Variants in FGF14 observed in about 807,000 individuals in gnomAD.
FGF14 encodes fibroblast growth factor 14.
A neutral mutation model predicts 25.5 loss-of-function variants in FGF14; 5 were observed. The ratio of observed to expected loss-of-function variants is 0.20; its 90% CI spans 0.10 to 0.41. The LOEUF (loss-of-function observed/expected upper bound fraction) is 0.41. Ranked by LOEUF, FGF14 falls within the 10% of genes least tolerant of loss-of-function variation. The probability of loss-of-function intolerance (pLI) is 1.00; values close to 1 mark genes in which losing one functional copy is unlikely to be tolerated. For missense variants in FGF14, 222 were observed against 320.1 expected, an observed-to-expected ratio of 0.69 and a Z score of 2.34; for synonymous variants, 138 against 118.3, an observed-to-expected ratio of 1.17 and a Z score of -1.08.
chr13:101,908,698 T>C (rs550053466), intron 1 of FGF14, among the ~76,000 whole-genome samples: 1 of 152,194 alleles, frequency 6.6e-6, no homozygotes, highest in Non-Finnish European at 1.5e-5. Flanking sequence ...GCCATCCCCA[T>C]CAAGCTACCA....
At chr13:102,042,180 A>T (rs142046338) in intron 1 of FGF14, among the ~76,000 whole-genome samples, 2 of 152,324 alleles carry the variant, frequency 1.3e-5, no homozygotes, top group African/African-American at 4.8e-5. Context: ...GTGGCATAAA[A>T]CATGGTAATG....
intron 2 of FGF14, among the ~76,000 whole-genome samples, chr13:101,871,385 G>T (rs1323752258): frequency 6.6e-6 from 1 of 152,074 alleles, no homozygotes; most frequent in South Asian, 2.1e-4. Context: ...ACGGGTTTAG[G>T]ACATAAGGAA....
At chr13:101,926,290 C>T (rs2034358422) in intron 1 of FGF14, among the ~76,000 whole-genome samples, 1 of 152,116 alleles carries the variant, frequency 6.6e-6, no homozygotes, top group African/African-American at 2.4e-5. Context: ...TTCCAAATAC[C>T]AGTTTTTAAA....
chr13:102,072,549 A>C (rs1458979727), intron 1 of FGF14, among the ~76,000 whole-genome samples: 1 of 152,216 alleles, frequency 6.6e-6, no homozygotes, highest in African/African-American at 2.4e-5. Context: ...AGCCCTTCCC[A>C]AAATTCTACC....
At chr13:101,852,759 C>T (rs942093945) in intron 3 of FGF14, among the ~76,000 whole-genome samples, 10 of 152,030 alleles carry the variant, frequency 6.6e-5, no homozygotes, top group Admixed American at 6.6e-4. Context: ...ACCCATGATA[C>T]CAGATACCTA....
intron 3 of FGF14, among the ~76,000 whole-genome samples, chr13:101,809,065 G>C (rs1306851674): frequency 6.6e-6 from 1 of 151,918 alleles, no homozygotes; most frequent in Non-Finnish European, 1.5e-5. Context: ...TGATAAATTG[G>C]GGAATTGATC....
chr13:101,726,895 G>T, intron 3 of FGF14, 85 bp from the exon 4 acceptor site: 2 of 1,075,176 alleles, frequency 1.9e-6, no homozygotes, highest in Non-Finnish European at 2.7e-6. Flanking sequence ...AAGTTTCCCA[G>T]CATGGTGAAA....
intron 1 of FGF14, among the ~76,000 whole-genome samples, chr13:102,374,663 T>G (rs1421737474): frequency 3.8e-5 from 3 of 79,332 alleles, no homozygotes; most frequent in African/African-American, 1.5e-4. Flanking sequence ...TATATATATA[T>G]ATATATATAT....
chr13:101,893,033 G>A lies in FGF14; in HGVS notation c.194-17737C>T, dbSNP rs531429531. 7.2e-5 allele frequency among the ~76,000 whole-genome samples: 11 copies of A among 152,292 alleles called. No homozygotes were observed. The South Asian group carries it at 2.3e-3, about 32-fold the overall frequency. On this transcript the variant is annotated intron_variant, in intron 1 of 4. Transcript: ENST00000376143. ...TCACTGGATGTTGGGTATGATGCAT[G>A]CAGTTAAGATGCCATACCCATGACC...
At chr13:101,983,687 T>C (rs189441296) in intron 1 of FGF14, among the ~76,000 whole-genome samples, 6 of 152,292 alleles carry the variant, frequency 3.9e-5, no homozygotes, top group African/African-American at 1.4e-4. Flanking sequence ...CTCATATTTT[T>C]CCACCAGTGA....
At chr13:102,359,874 A>C (rs2057518608) in intron 1 of FGF14, among the ~76,000 whole-genome samples, 2 of 151,718 alleles carry the variant, frequency 1.3e-5, no homozygotes, top group Non-Finnish European at 2.9e-5. Flanking sequence ...AAAACAGTCC[A>C]AGGGGAAAAT....
intron 1 of FGF14, among the ~76,000 whole-genome samples, chr13:101,882,357 C>G (rs543215861): frequency 6.6e-6 from 1 of 151,506 alleles, no homozygotes; most frequent in South Asian, 2.1e-4. Flanking sequence ...CCAAAGACAT[C>G]TGTCGAAAAA....
chr13:102,325,725 T>C (rs929670721), intron 1 of FGF14, among the ~76,000 whole-genome samples: 2 of 152,222 alleles, frequency 1.3e-5, no homozygotes, highest in Admixed American at 1.3e-4. Context: ...TCACACTATG[T>C]GCTCTACTTA....
chr13:101,968,437 A>G (rs965851732), intron 1 of FGF14, among the ~76,000 whole-genome samples: 2 of 151,784 alleles, frequency 1.3e-5, no homozygotes, highest in Non-Finnish European at 2.9e-5. Flanking sequence ...ACTTTGGGAG[A>G]CCGAGGCAGG....
At chr13:101,981,617 C>T (rs1332456616) in intron 1 of FGF14, among the ~76,000 whole-genome samples, 2 of 147,282 alleles carry the variant, frequency 1.4e-5, no homozygotes, top group African/African-American at 5.1e-5. Context: ...GAAGATGAAA[C>T]CCATAGGAGA....
At chr13:102,026,007 A>G (rs1440398603) in intron 1 of FGF14, among the ~76,000 whole-genome samples, 1 of 152,080 alleles carries the variant, frequency 6.6e-6, no homozygotes, top group Non-Finnish European at 1.5e-5. Flanking sequence ...TGGCAAGAGC[A>G]GACATTTTTG....
intron 1 of FGF14, among the ~76,000 whole-genome samples, chr13:102,396,016 C>G (rs571083657): frequency 3.3e-5 from 5 of 152,302 alleles, no homozygotes; most frequent in African/African-American, 1.2e-4. Context: ...TACAAAAGAG[C>G]TATTGCATCT....
intron 1 of FGF14, among the ~76,000 whole-genome samples, chr13:102,305,528 C>T (rs1594794997): frequency 1.3e-5 from 2 of 152,124 alleles, no homozygotes; most frequent in East Asian, 3.9e-4. Flanking sequence ...GAAATATTTG[C>T]CTTAAGGATG....
intron 1 of FGF14, among the ~76,000 whole-genome samples, chr13:101,995,710 C>G (rs1198108095): frequency 6.6e-6 from 1 of 152,168 alleles, no homozygotes; most frequent in Admixed American, 6.5e-5. Context: ...GAGCAACTCT[C>G]TTCAGTCTCA....
Sources: gnomAD v4.1 joint callset for allele counts (sites outside exome capture counted in the v4.1 genomes callset) on GRCh38, gnomAD v4.1.1 for gene constraint, MANE v1.5 for transcripts, NCBI Gene and HGNC (gene_info 2026-07-23, HGNC 2026-07-21) for gene names.